The following DIP2C variants were observed in gnomAD, a reference collection of about 807,000 sequenced individuals.
The protein encoded by DIP2C is DIP2 acetate--CoA ligase C (putative), also known as disco-interacting protein 2 homolog C.
In DIP2C, 33 loss-of-function variants were observed where a neutral mutation model predicts 192.4. The ratio of observed to expected loss-of-function variants is 0.17; its 90% CI spans 0.13 to 0.23. DIP2C has a LOEUF of 0.23. Among genes scored for constraint, DIP2C ranks in the 10% least tolerant of loss-of-function variants. The pLI is 1.00. For missense variants in DIP2C, 1,537 were observed against 2,110.1 expected (o/e 0.73, Z 5.32); for synonymous variants, 979 against 864.1 (o/e 1.13, Z -2.33).
chr10:607,584 C>A (rs761744284), intron 1 of DIP2C, among the ~76,000 whole-genome samples: 1 of 152,186 alleles, frequency 6.6e-6, no homozygotes, highest in Non-Finnish European at 1.5e-5. Context: ...CTGAAAATAT[C>A]CTAAATAGAA....
intron 1 of DIP2C, among the ~76,000 whole-genome samples, chr10:533,650 CAA>C (rs534651561): frequency 2.4e-5 from 3 of 122,604 alleles, no homozygotes; most frequent in South Asian, 2.9e-4. Context: ...AGATACCTAC[CAA>C]AAAAAAAAAA....
At position 440,768 on chromosome 10, in the gene DIP2C, C is replaced by T; in HGVS notation, c.394+103G>A. The T allele has an allele frequency of 3.4e-6, 5 of 1,477,466 alleles. No homozygotes were observed. In the South Asian group the frequency reaches 5.6e-5, roughly 16 times the overall value. The allele number at this position is 1,477,466 out of a possible 1,614,324, so 91.5% of individuals were successfully genotyped here. ...CTTCTGGTTCACAAAATCTGCATTACTGCTTCATTATTTTGAAAGCAAAAA... is the reference window on the plus strand; with the variant it reads ...CTTCTGGTTCACAAAATCTGCATTATTGCTTCATTATTTTGAAAGCAAAAA... On this transcript the variant is annotated intron_variant, in intron 4 of 36. Coordinates refer to ENST00000280886, the MANE Select transcript of DIP2C (RefSeq NM_014974.3).
At chr10:282,606 G>A (rs547309500) in intron 35 of DIP2C, among the ~76,000 whole-genome samples, 14 of 152,348 alleles carry the variant, frequency 9.2e-5, no homozygotes, top group African/African-American at 3.4e-4. Context: ...AAAGGATTCT[G>A]GAATAAGCAA....
chr10:485,125 T>C (rs1843916929), intron 2 of DIP2C, among the ~76,000 whole-genome samples: 1 of 152,236 alleles, frequency 6.6e-6, no homozygotes, highest in Admixed American at 6.5e-5. Flanking sequence ...GGAGGCACGG[T>C]GCGCTGGAGA....
At chr10:667,570 A>G (rs966481322) in intron 1 of DIP2C, 1 of 152,268 alleles carries the variant, frequency 6.6e-6, no homozygotes, top group African/African-American at 2.4e-5. Context: ...AACACATGCA[A>G]CCTATACAAC....
intron 1 of DIP2C, among the ~76,000 whole-genome samples, chr10:521,791 C>T (rs569941147): frequency 2.6e-5 from 4 of 152,278 alleles, no homozygotes; most frequent in Admixed American, 6.5e-5. Context: ...TTTTAAAAAG[C>T]GGTTTTCGGT....
chr10:635,695 C>T (rs558885816), intron 1 of DIP2C, among the ~76,000 whole-genome samples: 113 of 152,326 alleles, frequency 7.4e-4, no homozygotes, highest in Non-Finnish European at 1.3e-3. Flanking sequence ...CCTGAGCCCC[C>T]GGGGAAGGCG....
At chr10:326,431 T>C (rs1482959015) in intron 31 of DIP2C, among the ~76,000 whole-genome samples, 1 of 152,164 alleles carries the variant, frequency 6.6e-6, no homozygotes, top group South Asian at 2.1e-4. Context: ...ACCAACCGTT[T>C]GCCTCACCAG....
chr10:440,614 T>C (rs183437900), intron 4 of DIP2C, among the ~76,000 whole-genome samples: 18 of 152,234 alleles, frequency 1.2e-4, no homozygotes, highest in Middle Eastern at 3.4e-3. Context: ...TGAATAAAAT[T>C]GTTTGAGATT....
intron 17 of DIP2C, among the ~76,000 whole-genome samples, chr10:376,223 C>T (rs1432917500): frequency 6.6e-6 from 1 of 151,318 alleles, no homozygotes; most frequent in Non-Finnish European, 1.5e-5. Context: ...GCGAGAGCAG[C>T]GAGATGGGGA....
intron 4 of DIP2C, chr10:430,254 A>G (rs1427827864): frequency 6.6e-6 from 1 of 152,232 alleles, no homozygotes; most frequent in Non-Finnish European, 1.5e-5. Flanking sequence ...CAGGATCTCA[A>G]AATGTTGCCG....
chr10:477,808 A>T (rs1843191678), intron 2 of DIP2C, among the ~76,000 whole-genome samples: 1 of 133,260 alleles, frequency 7.5e-6, no homozygotes, highest in Non-Finnish European at 1.6e-5. Context: ...GGAAGGAAAG[A>T]GAAGGAAAAC....
intron 2 of DIP2C, chr10:484,675 C>G (rs1289467776): frequency 7.0e-7 from 1 of 1,425,422 alleles, no homozygotes; most frequent in Non-Finnish European, 9.3e-7. Context: ...ACCCTCAGGC[C>G]CCCAAGGCCA....
intron 1 of DIP2C, among the ~76,000 whole-genome samples, chr10:593,495 C>G (rs1173547551): frequency 3.2e-5 from 4 of 126,572 alleles, no homozygotes; most frequent in East Asian, 3.0e-4. Flanking sequence ...ACCCCCCCCC[C>G]CCCACCCTTT....
intron 1 of DIP2C, among the ~76,000 whole-genome samples, chr10:611,451 G>C (rs758810640): frequency 6.6e-6 from 1 of 152,142 alleles, no homozygotes; most frequent in African/African-American, 2.4e-5. Flanking sequence ...CTGGTTTTCC[G>C]AAGCCTTTGC....
intron 1 of DIP2C, among the ~76,000 whole-genome samples, chr10:565,614 A>T (rs979985906): frequency 1.3e-5 from 2 of 152,222 alleles, no homozygotes; most frequent in African/African-American, 4.8e-5. Context: ...CACATGCTAA[A>T]GGAATAAGGA....
chr10:377,539 T>C (rs1198848149), intron 17 of DIP2C, among the ~76,000 whole-genome samples: 2 of 152,242 alleles, frequency 1.3e-5, no homozygotes, highest in African/African-American at 4.8e-5. Flanking sequence ...TTTATCCCTC[T>C]TTTTAGATAA....
chr10:530,988 G>A (rs531626825), intron 1 of DIP2C, among the ~76,000 whole-genome samples: 3 of 152,274 alleles, frequency 2.0e-5, no homozygotes, highest in South Asian at 4.1e-4. Context: ...CCTGCAGGCA[G>A]CCCCGACTGG....
intron 1 of DIP2C, among the ~76,000 whole-genome samples, chr10:621,919 C>T (rs1853875740): frequency 6.6e-6 from 1 of 152,062 alleles, no homozygotes; most frequent in African/African-American, 2.4e-5. Flanking sequence ...TAAGAACAAA[C>T]CAACAAACCA....
Sources: allele counts gnomAD v4.1 joint callset (sites outside exome capture counted in the v4.1 genomes callset), GRCh38; gene constraint gnomAD v4.1.1; transcripts MANE v1.5; gene names NCBI Gene and HGNC (gene_info 2026-07-23, HGNC 2026-07-21).